Variants in CACNA1A observed in about 807,000 individuals in gnomAD.
CACNA1A encodes the protein calcium voltage-gated channel subunit alpha1 A.
Under a neutral mutation model 262.4 loss-of-function variants are expected in CACNA1A, and 57 were observed. The ratio of observed to expected loss-of-function variants is 0.22; its 90% confidence interval spans 0.18 to 0.27. The LOEUF (loss-of-function observed/expected upper bound fraction) is 0.27. Ranked by LOEUF, CACNA1A falls within the 10% of genes least tolerant of loss-of-function variation. CACNA1A has a pLI of 1.00. For missense variants in CACNA1A, 2,526 were observed against 3,562.8 expected, an observed-to-expected ratio of 0.71 and a Z score of 7.41; for synonymous variants, 1,431 against 1,419.3, an observed-to-expected ratio of 1.01 and a Z score of -0.18.
intron 3 of CACNA1A, among the ~76,000 whole-genome samples, chr19:13,429,315 T>G (rs560937824): frequency 2.0e-5 from 3 of 151,782 alleles, no homozygotes; most frequent in Admixed American, 6.6e-5. Flanking sequence ...CCCAGCCACT[T>G]GCGATATTGT....
At chr19:13,438,641 C>T (rs1018565509) in intron 3 of CACNA1A, among the ~76,000 whole-genome samples, 1 of 152,170 alleles carries the variant, frequency 6.6e-6, no homozygotes, top group Non-Finnish European at 1.5e-5. Context: ...CATGAATGAG[C>T]TCAACTGAGA....
intron 3 of CACNA1A, among the ~76,000 whole-genome samples, chr19:13,402,302 C>T (rs547553380): frequency 6.6e-6 from 1 of 152,242 alleles, no homozygotes; most frequent in African/African-American, 2.4e-5. Flanking sequence ...AAGAAGGGAT[C>T]TGGGAGTCAT....
At chr19:13,395,517 C>T (rs1303462503) in intron 3 of CACNA1A, among the ~76,000 whole-genome samples, 1 of 149,816 alleles carries the variant, frequency 6.7e-6, no homozygotes, top group African/African-American at 2.5e-5. Context: ...GAGGCTGAGG[C>T]AGGAGAATCA....
Position 13,221,336 on chromosome 19 carries a change from TA to T in CACNA1A, c.5731+3330del, listed in dbSNP as rs565497977. On this transcript the variant is annotated intron_variant, in intron 38 of 46. Coordinates refer to ENST00000360228, the MANE Select transcript of CACNA1A (RefSeq NM_001127222.2). The stretch of plus-strand genomic sequence containing the variant: ...GCAACCTCTGCCTCCCAGGTTCAAG[TA>T]ATTCTTGTGCTCAGCTTCCCAAGTT... Among the ~76,000 whole-genome samples the T allele has an allele frequency of 6.9e-5, 10 of 144,500 alleles. No individual in the cohort carries two copies. The South Asian group carries it at 2.3e-3, about 34-fold the overall frequency. The allele number at this position is 144,500 out of a possible 152,430, so 94.8% of individuals were successfully genotyped here.
At chr19:13,386,789 T>TC in intron 3 of CACNA1A, among the ~76,000 whole-genome samples, 1 of 151,760 alleles carries the variant, frequency 6.6e-6, no homozygotes, top group South Asian at 2.1e-4. Flanking sequence ...CGGGACTCTG[T>TC]CTGAAGGAAA....
At chr19:13,443,678 A>C (rs563254277) in intron 3 of CACNA1A, among the ~76,000 whole-genome samples, 2 of 152,306 alleles carry the variant, frequency 1.3e-5, no homozygotes, top group African/African-American at 2.4e-5. Context: ...TAAGCACCTC[A>C]TAAGTTTCAG....
In CACNA1A at chr19:13,210,641, G is replaced by A; in HGVS notation, c.6315C>T (p.Gly2105=). 6.4e-7 allele frequency: 1 copy of A among 1,564,932 alleles called. No homozygotes were observed. ...RLPAENQRRR[G]RPRGNNLSTI... Reference sequence around the variant, plus strand: ...CACTGAGGTTATTCCCACGTGGCCGGCCCCTTCTCCTCTGTCACAGCCCCA... The same window carrying A: ...CACTGAGGTTATTCCCACGTGGCCGACCCCTTCTCCTCTGTCACAGCCCCA... The change falls in exon 44 of 47, where the codon GGC becomes GGT. Residue 2105 remains glycine, a synonymous_variant. Coordinates refer to ENST00000360228, the MANE Select transcript of CACNA1A (RefSeq NM_001127222.2).
chr19:13,445,234 T>C (rs2060788245), intron 3 of CACNA1A, among the ~76,000 whole-genome samples: 1 of 152,162 alleles, frequency 6.6e-6, no homozygotes, highest in Non-Finnish European at 1.5e-5. Context: ...TCCTTGCCTC[T>C]GATCTTCAAC....
chr19:13,423,294 G>T, intron 3 of CACNA1A, among the ~76,000 whole-genome samples: 1 of 152,180 alleles, frequency 6.6e-6, no homozygotes, highest in African/African-American at 2.4e-5. Flanking sequence ...AGCACGTGGT[G>T]TGCTTTTATG....
At chr19:13,350,585 T>C (rs767139538) in intron 6 of CACNA1A, among the ~76,000 whole-genome samples, 6 of 152,180 alleles carry the variant, frequency 3.9e-5, no homozygotes, top group Non-Finnish European at 8.8e-5. Flanking sequence ...TTCACAGATA[T>C]CATGCAAAGT....
chr19:13,311,206 T>G (rs1208536331), intron 12 of CACNA1A, among the ~76,000 whole-genome samples: 6 of 152,130 alleles, frequency 3.9e-5, no homozygotes. Context: ...CCTCCCACCT[T>G]AGCCTTCTGA....
At chr19:13,457,205 CTG>C (rs1380303331) in intron 1 of CACNA1A, among the ~76,000 whole-genome samples, 1 of 151,786 alleles carries the variant, frequency 6.6e-6, no homozygotes, top group African/African-American at 2.4e-5. Context: ...TGAACCATGA[CTG>C]CACCACTGCA....
chr19:13,221,218 T>TTTTCTTTTCTTTTCTTTC (rs1555734399), intron 38 of CACNA1A, among the ~76,000 whole-genome samples: 1 of 25,670 alleles, frequency 3.9e-5, no homozygotes, highest in Non-Finnish European at 6.7e-5. Flanking sequence ...TTGTTTTTTC[T>TTTTCTTTTCTTTTCTTTC]TTTCTTTCTT....
chr19:13,282,233 G>A (rs1402324480), intron 22 of CACNA1A, among the ~76,000 whole-genome samples: 1 of 152,140 alleles, frequency 6.6e-6, no homozygotes, highest in African/African-American at 2.4e-5. Flanking sequence ...GATGGGGCTC[G>A]CCAGCTTTGC....
At chr19:13,332,996 G>T in intron 8 of CACNA1A, 71 bp from the exon 9 acceptor site, 1 of 1,216,996 alleles carries the variant, frequency 8.2e-7, no homozygotes, top group Non-Finnish European at 1.2e-6. Flanking sequence ...CAGGAAGAAG[G>T]GTCTGCCCGG....
At chr19:13,336,598 A>G (rs199726403) in intron 6 of CACNA1A, among the ~76,000 whole-genome samples, 137 of 102,394 alleles carry the variant, frequency 1.3e-3, no homozygotes, top group Middle Eastern at 5.1e-3. Flanking sequence ...AGAGAGGGAG[A>G]GAGAGAGAGA....
intron 3 of CACNA1A, among the ~76,000 whole-genome samples, chr19:13,392,533 T>G (rs1475511215): frequency 6.6e-6 from 1 of 152,116 alleles, no homozygotes; most frequent in Non-Finnish European, 1.5e-5. Flanking sequence ...ACATTTGAAT[T>G]CCCAGACATT....
intron 3 of CACNA1A, among the ~76,000 whole-genome samples, chr19:13,375,142 G>A (rs896185238): frequency 2.0e-5 from 3 of 151,928 alleles, no homozygotes; most frequent in Non-Finnish European, 2.9e-5. Flanking sequence ...TAATTCTTAC[G>A]GTATTTCAAA....
At chr19:13,260,015 G>A in intron 26 of CACNA1A, 1 of 265,850 alleles carries the variant, frequency 3.8e-6, no homozygotes, top group Non-Finnish European at 7.4e-6. Context: ...GCTTGCTGGG[G>A]GTGGGGTGGA....
Sources: allele counts gnomAD v4.1 joint callset (sites outside exome capture counted in the v4.1 genomes callset), GRCh38; gene constraint gnomAD v4.1.1; transcripts MANE v1.5; gene names NCBI Gene and HGNC (gene_info 2026-07-23, HGNC 2026-07-21).